Variants in NTRK3 observed in about 807,000 individuals in gnomAD.
The protein encoded by NTRK3 is neurotrophic receptor tyrosine kinase 3.
In NTRK3, 24 loss-of-function variants were observed where a neutral mutation model predicts 91.7. That is an observed-to-expected ratio of 0.26 (90% CI 0.19 to 0.37). The LOEUF (loss-of-function observed/expected upper bound fraction) is 0.37, where lower values mean the gene tolerates loss of function less well. Ranked by LOEUF, NTRK3 falls within the 10% of genes least tolerant of loss-of-function variation. The pLI is 1.00. For missense variants in NTRK3, 880 were observed against 1,068.9 expected, an observed-to-expected ratio of 0.82 and a Z score of 2.46; for synonymous variants, 483 against 404.0, an observed-to-expected ratio of 1.20 and a Z score of -2.34.
chr15:88,052,967 G>A (rs2045362325), intron 13 of NTRK3, among the ~76,000 whole-genome samples: 1 of 152,158 alleles, frequency 6.6e-6, no homozygotes, highest in African/African-American at 2.4e-5. Flanking sequence ...TAACTTCTTT[G>A]AGCCTTGGTT....
chr15:87,908,501 C>T (rs1044425622), intron 17 of NTRK3: 32 of 399,652 alleles, frequency 8.0e-5, no homozygotes, highest in African/African-American at 5.6e-4. Flanking sequence ...TGGAAGCTGC[C>T]GTTGCTGCTA....
intron 13 of NTRK3, among the ~76,000 whole-genome samples, chr15:88,093,736 T>G (rs2049270952): frequency 6.6e-6 from 1 of 152,100 alleles, no homozygotes; most frequent in Non-Finnish European, 1.5e-5. Context: ...ACAGGGTTCT[T>G]TCTTTGGACT....
intron 5 of NTRK3, among the ~76,000 whole-genome samples, chr15:88,165,169 G>A (rs934835244): frequency 6.6e-6 from 1 of 152,208 alleles, no homozygotes; most frequent in Non-Finnish European, 1.5e-5. Context: ...GCATGTGGAT[G>A]CATGGGCCTG....
intron 13 of NTRK3, among the ~76,000 whole-genome samples, chr15:88,098,214 A>T (rs1476784396): frequency 6.6e-6 from 1 of 152,178 alleles, no homozygotes; most frequent in Non-Finnish European, 1.5e-5. Flanking sequence ...AGTAAATCAC[A>T]CCCCACCACG....
chr15:88,210,083 G>A (rs1042346755), intron 3 of NTRK3: 2 of 152,234 alleles, frequency 1.3e-5, no homozygotes, highest in African/African-American at 4.8e-5. Flanking sequence ...TCCTCATGGT[G>A]CTACACAAAT....
intron 14 of NTRK3, 138 bp from the exon 15 acceptor site, chr15:87,940,891 G>T (rs2069771723): frequency 1.8e-6 from 2 of 1,137,128 alleles, no homozygotes; most frequent in African/African-American, 1.5e-5. Context: ...TAGCACACCA[G>T]CTTTAGCATA....
intron 14 of NTRK3, among the ~76,000 whole-genome samples, chr15:87,968,146 ATG>A (rs890382059): frequency 2.0e-5 from 3 of 152,218 alleles, no homozygotes; most frequent in Non-Finnish European, 2.9e-5. Context: ...GTTTCCAGAC[ATG>A]TGATGATGTC....
At chr15:88,055,283 A>G (rs1405129025) in intron 13 of NTRK3, among the ~76,000 whole-genome samples, 1 of 152,212 alleles carries the variant, frequency 6.6e-6, no homozygotes, top group Non-Finnish European at 1.5e-5. Flanking sequence ...AACTGGGAGG[A>G]GTAGACAGAT....
chr15:88,220,580 GA>G (rs1301316049), intron 3 of NTRK3, among the ~76,000 whole-genome samples: 2 of 152,232 alleles, frequency 1.3e-5, no homozygotes, highest in Non-Finnish European at 2.9e-5. Context: ...ATGGGTCAGA[GA>G]TGAGAAGAGG....
At chr15:88,251,419 C>T (rs998386473) in intron 3 of NTRK3, among the ~76,000 whole-genome samples, 3 of 152,360 alleles carry the variant, frequency 2.0e-5, no homozygotes, top group Middle Eastern at 6.8e-3. Context: ...TCTAGAGTGC[C>T]CTGATGGAGC....
intron 14 of NTRK3, chr15:87,978,996 G>T: frequency 2.6e-6 from 1 of 392,040 alleles, no homozygotes. Context: ...TTCTTGTGAT[G>T]GTTAGGTTGT....
At chr15:88,120,947 C>T (rs1420775544) in intron 13 of NTRK3, among the ~76,000 whole-genome samples, 1 of 152,228 alleles carries the variant, frequency 6.6e-6, no homozygotes, top group Non-Finnish European at 1.5e-5. Context: ...AGGTCTGTTT[C>T]AGCTCTGATA....
rs149154780 is a variant in NTRK3, at chr15:88,215,452, C to T, written c.249-31153G>A. Among the ~76,000 whole-genome samples the T allele has an allele frequency of 8.5e-3, 1,288 of 152,332 alleles. 12 individuals are homozygous for T. Among genetic ancestry groups the T allele is most frequent in the Non-Finnish European group, 0.013 (881 of 68,022 alleles). The stretch of plus-strand genomic sequence containing the variant: ...ACATCTCCGTTGACGCAGAGCTCCC[C>T]GTGGCTCCCCTGAAACGTTCCGTGC... On this transcript the variant is annotated intron_variant, in intron 3 of 18. Transcript: ENST00000394480.
intron 13 of NTRK3, among the ~76,000 whole-genome samples, chr15:88,051,505 T>A (rs2080815053): frequency 2.6e-5 from 4 of 152,232 alleles, no homozygotes; most frequent in African/African-American, 9.6e-5. Flanking sequence ...TTTATCACAA[T>A]GAGGAGCATG....
chr15:88,161,964 CAGAGCAAAATGGA>C (rs1169662988), intron 5 of NTRK3, among the ~76,000 whole-genome samples: 2 of 152,130 alleles, frequency 1.3e-5, no homozygotes, highest in African/African-American at 4.8e-5. Flanking sequence ...CTGTGTACAT[CAGAGCAAAATGGA>C]AGAGCAAAAT....
exon 14 of NTRK3, chr15:88,032,874 C>T (rs2078681500): frequency 3.7e-6 from 6 of 1,613,632 alleles, no homozygotes; most frequent in Non-Finnish European, 5.1e-6. Context: ...CGGCTTGTGG[C>T]AGTTGTGTCC....
At chr15:87,941,486 C>CACACAA (rs2069846030) in intron 14 of NTRK3, among the ~76,000 whole-genome samples, 1 of 152,038 alleles carries the variant, frequency 6.6e-6, no homozygotes, top group South Asian at 2.1e-4. Context: ...CACACACACA[C>CACACAA]ACACACACAC....
At chr15:87,883,497 T>C (rs1433653503) in intron 17 of NTRK3, among the ~76,000 whole-genome samples, 2 of 150,722 alleles carry the variant, frequency 1.3e-5, no homozygotes, top group African/African-American at 2.4e-5. Flanking sequence ...GCTTCACAAA[T>C]TGAAAGATCA....
At chr15:87,924,940 C>T (rs1198532696) in intron 17 of NTRK3, among the ~76,000 whole-genome samples, 1 of 152,106 alleles carries the variant, frequency 6.6e-6, no homozygotes, top group East Asian at 1.9e-4. Context: ...GTATTGACTC[C>T]TCTCCCCAAA....
Sources: gnomAD v4.1 joint callset for allele counts (sites outside exome capture counted in the v4.1 genomes callset) on GRCh38, gnomAD v4.1.1 for gene constraint, MANE v1.5 for transcripts, NCBI Gene and HGNC (gene_info 2026-07-23, HGNC 2026-07-21) for gene names.